Variants in RCBTB1 observed in about 807,000 individuals in gnomAD.
RCBTB1 encodes the protein RCC1 and BTB domain-containing protein 1.
A neutral mutation model predicts 62.4 loss-of-function variants in RCBTB1; 46 were observed. The observed-to-expected ratio is 0.74, with a 90% CI of 0.58 to 0.94. The LOEUF is 0.94. Among genes scored for constraint, RCBTB1 ranks in the 40% least tolerant of loss-of-function variants. The pLI, the probability that RCBTB1 is intolerant of heterozygous loss-of-function variation, is 0.00. For missense variants in RCBTB1, 565 were observed against 654.9 expected (o/e 0.86, Z 1.50); for synonymous variants, 222 against 245.8 (o/e 0.90, Z 0.91).
At chr13:49,557,806 T>C (rs1962062453) in intron 5 of RCBTB1, among the ~76,000 whole-genome samples, 1 of 152,118 alleles carries the variant, frequency 6.6e-6, no homozygotes, top group Admixed American at 6.5e-5. Context: ...CCATCAAAAG[T>C]GTAATCTTGA....
chr13:49,542,434 T>C (rs1010398367), intron 10 of RCBTB1, among the ~76,000 whole-genome samples: 7 of 152,226 alleles, frequency 4.6e-5, no homozygotes, highest in Admixed American at 1.3e-4. Context: ...TTCCATTTGA[T>C]GGTCCCCAAG....
Position 49,549,528 on chromosome 13 carries a change from G to A in RCBTB1, c.975C>T (p.His325=). 6.2e-7 allele frequency: 1 copy of A among 1,614,110 alleles called. No homozygotes were observed. The highest frequency in any genetic ancestry group is 8.5e-7 in the Non-Finnish European group (1 of 1,179,994). The part of the protein sequence containing the change: ...GQSVILPHLT[H]FSCTDDVFAC... ...CAAACACGTCGTCGGTGCAGGAGAA[G>A]TGGGTGAGGTGCGGGAGGATCACGG... The change falls in exon 9 of 13, where the codon CAC becomes CAT. Residue 325 remains histidine (H), a synonymous_variant. Coordinates refer to ENST00000378302, the MANE Select transcript of RCBTB1 (RefSeq NM_018191.4).
intron 12 of RCBTB1, among the ~76,000 whole-genome samples, chr13:49,538,978 T>C (rs1960138889): frequency 6.6e-6 from 1 of 151,530 alleles, no homozygotes; most frequent in Non-Finnish European, 1.5e-5. Context: ...CAAGCAATTC[T>C]CCTGCCTCAG....
chr13:49,542,421 T>C (rs545542852), intron 10 of RCBTB1, among the ~76,000 whole-genome samples: 5 of 152,342 alleles, frequency 3.3e-5, no homozygotes, highest in East Asian at 1.9e-4. Flanking sequence ...CTTCCACTAC[T>C]GTTTCCATTT....
In RCBTB1 at chr13:49,555,624, G is replaced by A; in HGVS notation, c.494C>T (p.Thr165Ile). ...NNCGQVGSGSTANQPTPRKVT... is the reference protein window; with the variant it reads ...NNCGQVGSGSIANQPTPRKVT... ...TTTTCGAGGAGTTGGTTGATTTGCTGTAGAACCTGATCCCACTTGGCCACA... is the reference window on the plus strand; with the variant it reads ...TTTTCGAGGAGTTGGTTGATTTGCTATAGAACCTGATCCCACTTGGCCACA... The change falls in exon 6 of 13, where the codon ACA becomes ATA. Residue 165 changes from threonine (T) to isoleucine (I), a missense_variant. By Grantham distance (89) the Thr-to-Ile change is moderately conservative. Coordinates refer to ENST00000378302, the MANE Select transcript of RCBTB1 (RefSeq NM_018191.4). The A allele has an allele frequency of 6.8e-6, 11 of 1,612,748 alleles. No individual in the cohort carries two copies. Among genetic ancestry groups the A allele is most frequent in the African/African-American group, 1.3e-5 (1 of 74,934 alleles).
Position 49,567,313 on chromosome 13 carries a change from C to T in RCBTB1, c.-34G>A, listed in dbSNP as rs375837546. ...CTTCAAGCAATTCCTATAAATAAGC[C>T]GACATCTCTGCTGGAACAGAAAGGA... is the stretch of plus-strand genomic sequence containing the variant. On this transcript the variant is annotated 5_prime_UTR_variant, in exon 3 of 13. Transcript: ENST00000378302. 35 of 1,607,278 alleles carry T rather than the reference C, an allele frequency of 2.2e-5. No homozygotes were observed. Among genetic ancestry groups the T allele is most frequent in the South Asian group, 1.3e-4 (12 of 90,372 alleles).
chr13:49,548,825 G>A (rs768054001), intron 9 of RCBTB1, among the ~76,000 whole-genome samples: 4 of 150,118 alleles, frequency 2.7e-5, no homozygotes, highest in African/African-American at 7.5e-5. Flanking sequence ...ACTAATTAAC[G>A]TATAAGGGCT....
chr13:49,552,013 CT>C (rs1961402570), intron 7 of RCBTB1, among the ~76,000 whole-genome samples, 164 bp downstream of exon 7: 1 of 146,198 alleles, frequency 6.8e-6, no homozygotes. Flanking sequence ...CATAGTCTTG[CT>C]TCTCCTCGTG....
intron 2 of RCBTB1, among the ~76,000 whole-genome samples, chr13:49,573,661 G>C (rs1356754192): frequency 6.6e-6 from 1 of 151,900 alleles, no homozygotes; most frequent in African/African-American, 2.4e-5. Flanking sequence ...TGTTTGCCAG[G>C]CTGGTCTCAA....
chr13:49,543,845 C>G (rs1960586564), intron 10 of RCBTB1, among the ~76,000 whole-genome samples: 1 of 152,178 alleles, frequency 6.6e-6, no homozygotes, highest in Non-Finnish European at 1.5e-5. Context: ...ACCACCACAC[C>G]TGGCTAATTT....
rs146138087 is a variant in RCBTB1 at position 49,541,736 on chromosome 13, G to C, written c.1264C>G (p.Arg422Gly). 1 of 1,614,012 alleles carries C rather than the reference G, an allele frequency of 6.2e-7. No homozygotes were observed. Among genetic ancestry groups the C allele is most frequent in the Non-Finnish European group, 8.5e-7 (1 of 1,179,976 alleles). The change falls in exon 11 of 13, where the codon CGT becomes GGT. Residue 422 changes from arginine (R) to glycine (G), a missense_variant. Physicochemically the swap from Arg to Gly is moderately radical, Grantham distance 125 (BLOSUM62 -2). Transcript: ENST00000378302. ...GTGTAGAGGTACTGGAGAAAGGCACGATACACTGGGTAAGAAAACTGATCG... is the reference window on the plus strand; with the variant it reads ...GTGTAGAGGTACTGGAGAAAGGCACCATACACTGGGTAAGAAAACTGATCG... Reference protein sequence around the residue: ...EIDQFSYPVYRAFLQYLYTDT... With the variant: ...EIDQFSYPVYGAFLQYLYTDT...
At chr13:49,552,367 C>G in intron 6 of RCBTB1, 82 bp from the exon 7 acceptor site, 2 of 786,618 alleles carry the variant, frequency 2.5e-6, no homozygotes, top group Non-Finnish European at 4.2e-6. Context: ...CCCATCTAAA[C>G]AAATCAGATA....
At chr13:49,576,778 CAATATT>C (rs1463345519) in intron 2 of RCBTB1, among the ~76,000 whole-genome samples, 2 of 151,962 alleles carry the variant, frequency 1.3e-5, no homozygotes, top group African/African-American at 2.4e-5. Flanking sequence ...TTCTGAAAAA[CAATATT>C]AATGTGTTGC....
chr13:49,573,121 C>T (rs1310954106), intron 2 of RCBTB1, among the ~76,000 whole-genome samples: 8 of 152,104 alleles, frequency 5.3e-5, no homozygotes, highest in Non-Finnish European at 4.4e-5. Flanking sequence ...GTGCACATCC[C>T]AAATTCAAAA....
chr13:49,549,414 T>A, intron 9 of RCBTB1, 44 bp downstream of exon 9: 2 of 1,554,836 alleles, frequency 1.3e-6, no homozygotes, highest in Non-Finnish European at 1.7e-6. Context: ...GGTCAGTTGG[T>A]AGTACCATTC....
At chr13:49,541,078 T>C in intron 11 of RCBTB1, 72 bp from the exon 12 acceptor site, 1 of 1,342,804 alleles carries the variant, frequency 7.4e-7, no homozygotes, top group South Asian at 1.3e-5. Context: ...TTTGTTTTGG[T>C]GAACAGAGGT....
intron 2 of RCBTB1, among the ~76,000 whole-genome samples, chr13:49,571,345 T>C (rs1003418397): frequency 2.7e-5 from 4 of 150,938 alleles, no homozygotes; most frequent in Admixed American, 1.3e-4. Flanking sequence ...AAACCCCATC[T>C]CAAAAAAAAA....
intron 6 of RCBTB1, 90 bp downstream of exon 6, chr13:49,555,425 T>C: frequency 9.0e-7 from 1 of 1,114,044 alleles, no homozygotes; most frequent in African/African-American, 1.5e-5. Flanking sequence ...GCACTCTTCC[T>C]TCTTCCATCT....
intron 7 of RCBTB1, among the ~76,000 whole-genome samples, 195 bp downstream of exon 7, chr13:49,551,983 C>T (rs373039398): frequency 3.5e-5 from 5 of 142,452 alleles, no homozygotes; most frequent in South Asian, 2.2e-4. Flanking sequence ...TTTAACTTGT[C>T]GAGCCTGTTT....
Sources: allele counts gnomAD v4.1 joint callset (sites outside exome capture counted in the v4.1 genomes callset), GRCh38; gene constraint gnomAD v4.1.1; transcripts MANE v1.5; gene names NCBI Gene and HGNC (gene_info 2026-07-23, HGNC 2026-07-21).